BRAF: variants seen among roughly 807,000 people sequenced by gnomAD.
BRAF encodes B-Raf proto-oncogene, serine/threonine kinase.
BRAF carries 16 observed loss-of-function variants against 104.6 expected under a neutral mutation model. The ratio of observed to expected loss-of-function variants is 0.15; its 90% CI spans 0.10 to 0.23. The LOEUF (loss-of-function observed/expected upper bound fraction) is 0.23, where lower values mean the gene tolerates loss of function less well. BRAF is among the 10% of genes least tolerant of loss of function. BRAF has a pLI of 1.00. For missense variants in BRAF, 541 were observed against 937.3 expected, an observed-to-expected ratio of 0.58 and a Z score of 5.52; for synonymous variants, 310 against 341.6, an observed-to-expected ratio of 0.91 and a Z score of 1.02.
At chr7:140,898,745 C>A (rs547722008) in intron 1 of BRAF, among the ~76,000 whole-genome samples, 1 of 152,168 alleles carries the variant, frequency 6.6e-6, no homozygotes, top group Non-Finnish European at 1.5e-5. Flanking sequence ...CTTTTATCAT[C>A]ATTATTCCCT....
chr7:140,720,183 G>T lies in BRAF; in HGVS notation c.*6311C>A, dbSNP rs1342557962. ...TCTTAGGAAAGGCAGCAATTGCCAT[G>T]TTGAGGAAAGGATCAGATGTACAAC... On this transcript the variant is annotated 3_prime_UTR_variant, in exon 20 of 20. Transcript: ENST00000644969. 2.8e-6 allele frequency: 3 copies of T among 1,062,444 alleles called. No individual in the cohort carries two copies. In the African/African-American group the frequency reaches 4.9e-5, roughly 17 times the overall value. 65.8% of individuals were successfully genotyped at this position (1,062,444 alleles called of 1,614,324 possible).
intron 1 of BRAF, among the ~76,000 whole-genome samples, chr7:140,870,498 A>G (rs1811456312): frequency 6.6e-6 from 1 of 152,190 alleles, no homozygotes; most frequent in Admixed American, 6.5e-5. Context: ...TCTTCATAAC[A>G]GTAAAATGCC....
At chr7:140,840,112 T>C (rs1396383260) in intron 2 of BRAF, among the ~76,000 whole-genome samples, 1 of 152,262 alleles carries the variant, frequency 6.6e-6, no homozygotes. Context: ...GTACGTCTTC[T>C]TCCTTTAAGC....
intron 2 of BRAF, among the ~76,000 whole-genome samples, chr7:140,845,769 C>A (rs1808478022): frequency 6.6e-6 from 1 of 152,066 alleles, no homozygotes; most frequent in African/African-American, 2.4e-5. Flanking sequence ...ACCTCTTCTC[C>A]TGGATTCAAG....
chr7:140,811,648 A>AATC (rs772225431), intron 3 of BRAF, among the ~76,000 whole-genome samples: 2 of 152,180 alleles, frequency 1.3e-5, no homozygotes, highest in Non-Finnish European at 2.9e-5. Context: ...AGTGGCTAAA[A>AATC]ATCTGCTTAT....
Position 140,719,425 on chromosome 7 carries a change from T to C in BRAF, c.*7069A>G. ...TTTGCCTTTTATATAATACAGTTTT[T>C]AAATAACTTTACACAGAAATAAATT... On this transcript the variant is annotated 3_prime_UTR_variant, in exon 20 of 20. Coordinates refer to ENST00000644969, the MANE Select transcript of BRAF (RefSeq NM_001374258.1). 3 of 1,007,046 alleles carry C rather than the reference T, an allele frequency of 3.0e-6. No homozygotes were observed. The highest frequency in any genetic ancestry group is 3.6e-6 in the Non-Finnish European group (3 of 834,978). 62.4% of individuals were successfully genotyped at this position (1,007,046 alleles called of 1,614,324 possible).
At chr7:140,826,664 A>G (rs1283159687) in intron 3 of BRAF, among the ~76,000 whole-genome samples, 1 of 152,126 alleles carries the variant, frequency 6.6e-6, no homozygotes, top group African/African-American at 2.4e-5. Context: ...TCAGATTTGT[A>G]CCCTCTACTG....
rs1759758897 is a variant in BRAF at position 140,734,002 on chromosome 7, G to GCA, written c.2401+613_2401+614dup. The GCA allele has an allele frequency of 1.5e-5, 16 of 1,032,596 alleles. No homozygotes were observed. In the South Asian group the frequency reaches 5.5e-4, roughly 36 times the overall value. The allele number at this position is 1,032,596 out of a possible 1,614,324, so 64.0% of individuals were successfully genotyped here. On this transcript the variant is annotated intron_variant, in intron 19 of 19. Coordinates refer to ENST00000644969, the MANE Select transcript of BRAF (RefSeq NM_001374258.1). ...TCCTCAGCAATATTTTTGGTCACCT[G>GCA]CACTCAAAATTTATAAAAAGAAACT...
In BRAF at chr7:140,795,289, G is replaced by A. The variant is rs1161891094; in HGVS notation, c.981-822C>T. Among the ~76,000 whole-genome samples, 4 of 152,262 alleles carry A rather than the reference G, an allele frequency of 2.6e-5. No homozygotes were observed. The East Asian group carries it at 7.7e-4, about 29-fold the overall frequency. On this transcript the variant is annotated intron_variant, in intron 7 of 19. Transcript: ENST00000644969. ...AACACTAAAGTTTTGAGACTAGATTGTAAACACTTGGAAGGATGTAGCCCC... is the reference window on the plus strand; with the variant it reads ...AACACTAAAGTTTTGAGACTAGATTATAAACACTTGGAAGGATGTAGCCCC...
chr7:140,788,897 T>C (rs964916036), intron 8 of BRAF, among the ~76,000 whole-genome samples: 11 of 151,702 alleles, frequency 7.3e-5, no homozygotes, highest in Non-Finnish European at 1.3e-4. Context: ...CCACTAAAAT[T>C]TGTCTTTATT....
At chr7:140,809,219 A>C (rs1344477435) in intron 3 of BRAF, among the ~76,000 whole-genome samples, 1 of 152,234 alleles carries the variant, frequency 6.6e-6, no homozygotes, top group African/African-American at 2.4e-5. Flanking sequence ...CTATTTTATT[A>C]AAATTATGAA....
chr7:140,872,373 A>G (rs1003100033), intron 1 of BRAF, among the ~76,000 whole-genome samples: 1 of 152,122 alleles, frequency 6.6e-6, no homozygotes, highest in Admixed American at 6.5e-5. Context: ...TATGAAGTAA[A>G]ATGAAAGCTT....
chr7:140,809,433 G>A (rs1439829273), intron 3 of BRAF, among the ~76,000 whole-genome samples: 1 of 152,048 alleles, frequency 6.6e-6, no homozygotes, highest in Non-Finnish European at 1.5e-5. Flanking sequence ...CCTAAACATA[G>A]CGGGAAGAAA....
chr7:140,742,143 G>A (rs535174332), intron 17 of BRAF, among the ~76,000 whole-genome samples: 7 of 152,156 alleles, frequency 4.6e-5, no homozygotes, highest in African/African-American at 1.7e-4. Context: ...GTATCCCTGG[G>A]GTTACAGGAA....
intron 1 of BRAF, among the ~76,000 whole-genome samples, chr7:140,912,480 T>TC (rs894692099): frequency 7.9e-5 from 12 of 152,288 alleles, no homozygotes; most frequent in Non-Finnish European, 1.3e-4. Context: ...AGACAGTGCT[T>TC]CAGCAATTCT....
chr7:140,885,964 T>C (rs1333622993), intron 1 of BRAF, among the ~76,000 whole-genome samples: 2 of 152,120 alleles, frequency 1.3e-5, no homozygotes, highest in African/African-American at 2.4e-5. Flanking sequence ...GATTATAGCA[T>C]AGGTGAGTAA....
intron 1 of BRAF, among the ~76,000 whole-genome samples, chr7:140,915,997 C>CA (rs956567561): frequency 8.1e-6 from 1 of 124,038 alleles, no homozygotes; most frequent in Non-Finnish European, 1.7e-5. Flanking sequence ...AACAAACAAA[C>CA]AAAAAAAACC....
chr7:140,853,966 A>G (rs182631202), intron 1 of BRAF, among the ~76,000 whole-genome samples: 2 of 151,222 alleles, frequency 1.3e-5, no homozygotes, highest in African/African-American at 4.8e-5. Flanking sequence ...ATATTTGTTT[A>G]AAAAAAAATG....
Position 140,829,343 on chromosome 7 carries a change from A to ATT in BRAF, c.504+5264_504+5265dup, listed in dbSNP as rs558419776. On this transcript the variant is annotated intron_variant, in intron 3 of 19. Coordinates refer to ENST00000644969, the MANE Select transcript of BRAF (RefSeq NM_001374258.1). ...ACTAGATTTTTCTTGAAAGATTTACATTTTTTTTTTTTTTTGGTATTTAAT... is the reference window on the plus strand; with the variant it reads ...ACTAGATTTTTCTTGAAAGATTTACATTTTTTTTTTTTTTTTTGGTATTTAAT... Among the ~76,000 whole-genome samples, 102 of 134,894 alleles carry ATT rather than the reference A, an allele frequency of 7.6e-4. 1 individual carries two copies. Among genetic ancestry groups the ATT allele is most frequent in the Admixed American group, 1.3e-3 (18 of 13,454 alleles). 88.5% of individuals were successfully genotyped at this position (134,894 alleles called of 152,430 possible). A position where few individuals can be genotyped will look rare whatever the true frequency, so the allele number is the denominator to read the frequency against.
Sources: allele counts gnomAD v4.1 joint callset (sites outside exome capture counted in the v4.1 genomes callset), GRCh38; gene constraint gnomAD v4.1.1; transcripts MANE v1.5; gene names NCBI Gene and HGNC (gene_info 2026-07-23, HGNC 2026-07-21).